Variants in ATAD2 observed in about 807,000 individuals in gnomAD.
ATAD2 encodes the protein ATPase family AAA domain-containing protein 2.
Under a neutral mutation model 168.9 loss-of-function variants are expected in ATAD2, and 62 were observed. The observed-to-expected ratio is 0.37, with a 90% confidence interval of 0.30 to 0.45. ATAD2 has a LOEUF of 0.45. Among genes scored for constraint, ATAD2 ranks in the 20% least tolerant of loss-of-function variants. The pLI is 1.00. For synonymous variants in ATAD2, 613 were observed against 571.6 expected, an observed-to-expected ratio of 1.07 and a Z score of -1.03; for missense variants, 1,419 against 1,667.8, an observed-to-expected ratio of 0.85 and a Z score of 2.60.
At chr8:123,397,935 C>T (rs1296035177), upstream of ATAD2, among the ~76,000 whole-genome samples, 3 of 151,918 alleles carry the variant, frequency 2.0e-5, no homozygotes, top group African/African-American at 4.8e-5. Context: ...GGGAGAGTGG[C>T]GAGGCCAATG....
rs772822406 is a variant in ATAD2, at chr8:123,358,723, C to CTT, written c.1382+496_1382+497dup. Among the ~76,000 whole-genome samples the CTT allele has an allele frequency of 6.2e-3, 475 of 76,770 alleles. 2 individuals carry two copies. Among genetic ancestry groups the CTT allele is most frequent in the African/African-American group, 8.2e-3 (154 of 18,734 alleles). The allele number at this position is 76,770 out of a possible 152,430, so 50.4% of individuals were successfully genotyped here. On this transcript the variant is annotated intron_variant, in intron 11 of 27. Transcript: ENST00000287394. ...CCTGTGATTGATATATGGTACATTA[C>CTT]TTTTTTTTTTTTTTTTTTTTTTTTT...
chr8:123,357,117 G>T (rs767902736), intron 12 of ATAD2, among the ~76,000 whole-genome samples: 1 of 152,132 alleles, frequency 6.6e-6, no homozygotes, highest in Non-Finnish European at 1.5e-5. Flanking sequence ...AGAACCTCGG[G>T]AGAGTTCCAA....
Position 123,371,667 on chromosome 8 carries a change from T to G in ATAD2, c.536+3A>C. ...CATCTTGATCTAAGGAATTTTTACT[T>G]ACTTAGTTATAAGTTTGTCAAACAG... On this transcript the variant is annotated splice_donor_region_variant and intron_variant, in intron 4 of 27. Transcript: ENST00000287394. 1 of 1,591,152 alleles carries G rather than the reference T, an allele frequency of 6.3e-7. No individual in the cohort carries two copies.
intron 8 of ATAD2, among the ~76,000 whole-genome samples, chr8:123,362,366 TA>T (rs1828853823): frequency 6.6e-6 from 1 of 151,070 alleles, no homozygotes; most frequent in South Asian, 2.1e-4. Context: ...ACACTATACA[TA>T]ATATTCACAT....
intron 2 of ATAD2, among the ~76,000 whole-genome samples, chr8:123,376,596 T>C (rs541404398): frequency 2.8e-4 from 43 of 152,134 alleles, no homozygotes; most frequent in African/African-American, 9.4e-4. Flanking sequence ...AACCATGGAA[T>C]TGTACACTTT....
chr8:123,336,015 A>G (rs576869216), intron 22 of ATAD2, among the ~76,000 whole-genome samples: 4 of 152,334 alleles, frequency 2.6e-5, no homozygotes, highest in Non-Finnish European at 5.9e-5. Context: ...AATATTTTAA[A>G]AACTATTTCA....
chr8:123,342,961 C>T (rs1241285410), intron 19 of ATAD2, among the ~76,000 whole-genome samples: 2 of 151,862 alleles, frequency 1.3e-5, no homozygotes, highest in Non-Finnish European at 2.9e-5. Context: ...TTTTCCACGT[C>T]TTTCCTCAAA....
chr8:123,361,573 G>C lies in ATAD2; in HGVS notation c.1123C>G (p.Arg375Gly). ...SSEDEQHFER[R>G]RKRSRNRAIN... Reference sequence around the variant, plus strand: ...GCCCTATTACGACTCCTTTTCCTCCGCCTCTCAAAGTGCTGTTCATCTTCA... The same window carrying C: ...GCCCTATTACGACTCCTTTTCCTCCCCCTCTCAAAGTGCTGTTCATCTTCA... The change falls in exon 9 of 28, where the codon CGG becomes GGG. Residue 375 changes from arginine to glycine, a missense_variant. Around this residue, in one of 5 missense-constraint regions of ATAD2, gnomAD observed 146 missense variants for 188.3 expected, o/e 0.78. Transcript: ENST00000287394. The C allele has an allele frequency of 6.2e-7, 1 of 1,613,016 alleles. No homozygotes were observed. The highest frequency in any genetic ancestry group is 1.3e-5 in the African/African-American group (1 of 74,956).
At chr8:123,378,701 C>CAAAAAAAAAAAAAAAAAAAAAA (rs71808201) in intron 2 of ATAD2, among the ~76,000 whole-genome samples, 6 of 73,044 alleles carry the variant, frequency 8.2e-5, no homozygotes, top group African/African-American at 3.5e-4. Context: ...GACTGTGTCT[C>CAAAAAAAAAAAAAAAAAAAAAA]AAAAAAAAAA....
rs147616119 is a variant in ATAD2, at chr8:123,343,238, A to C, written c.2718+1646T>G. Among the ~76,000 whole-genome samples the C allele has an allele frequency of 7.9e-3, 1,197 of 152,152 alleles. 17 individuals carry two copies. The highest frequency in any genetic ancestry group is 0.027 in the African/African-American group (1,134 of 41,514). The stretch of plus-strand genomic sequence containing the variant: ...TGATTCGCCCACCCCGGCCTCCCAA[A>C]GTGCTAGAATTACAGGCGTGAACCA... On this transcript the variant is annotated intron_variant, in intron 19 of 27. Coordinates refer to ENST00000287394, the MANE Select transcript of ATAD2 (RefSeq NM_014109.4).
chr8:123,358,733 T>TG (rs1265363113), intron 11 of ATAD2, among the ~76,000 whole-genome samples: 1 of 144,490 alleles, frequency 6.9e-6, no homozygotes, highest in African/African-American at 2.6e-5. Flanking sequence ...CTTTTTTTTT[T>TG]TTTTTTTTTT....
At chr8:123,394,931 C>G (rs1386710211) in intron 1 of ATAD2, among the ~76,000 whole-genome samples, 1 of 152,160 alleles carries the variant, frequency 6.6e-6, no homozygotes, top group Non-Finnish European at 1.5e-5. Context: ...GTTTTTAACC[C>G]ATTCCCCTCA....
chr8:123,411,169 C>T (rs1036129640), intron 1 of ATAD2, among the ~76,000 whole-genome samples: 6 of 152,150 alleles, frequency 3.9e-5, no homozygotes, highest in Admixed American at 2.0e-4. Flanking sequence ...GAAGGGACCT[C>T]CAAAGCGTTT....
At chr8:123,340,747 T>C (rs1828037698) in intron 19 of ATAD2, among the ~76,000 whole-genome samples, 1 of 152,142 alleles carries the variant, frequency 6.6e-6, no homozygotes, top group Non-Finnish European at 1.5e-5. Context: ...CTAGAATAAA[T>C]AATTCAGAGC....
At chr8:123,357,172 G>C (rs1828674510) in intron 12 of ATAD2, among the ~76,000 whole-genome samples, 1 of 152,176 alleles carries the variant, frequency 6.6e-6, no homozygotes, top group Non-Finnish European at 1.5e-5. Context: ...CAGTAGATCA[G>C]AAAGTATTAT....
intron 1 of ATAD2, among the ~76,000 whole-genome samples, chr8:123,389,271 C>T (rs903986747): frequency 9.4e-5 from 14 of 149,284 alleles, no homozygotes; most frequent in South Asian, 2.2e-4. Context: ...CCACCGTGCC[C>T]GGCCTGTGCT....
intron 13 of ATAD2, 130 bp downstream of exon 13, chr8:123,356,259 G>A: frequency 1.6e-6 from 1 of 635,286 alleles, no homozygotes. Context: ...TATATACTGG[G>A]GTTCTACTAC....
At chr8:123,379,093 C>T (rs1829412375) in intron 2 of ATAD2, among the ~76,000 whole-genome samples, 1 of 152,060 alleles carries the variant, frequency 6.6e-6, no homozygotes, top group Admixed American at 6.6e-5. Flanking sequence ...CCACAGTGCC[C>T]AGCCAAAACA....
intron 13 of ATAD2, among the ~76,000 whole-genome samples, chr8:123,353,650 A>C (rs1432865742): frequency 6.6e-6 from 1 of 151,920 alleles, no homozygotes; most frequent in Non-Finnish European, 1.5e-5. Context: ...ACAATCCGCC[A>C]TCTCTCCTGA....
Sources: gnomAD v4.1 joint callset for allele counts (sites outside exome capture counted in the v4.1 genomes callset) on GRCh38, gnomAD v4.1.1 for gene constraint, gnomAD v4.1.1 regional missense constraint, MANE v1.5 for transcripts, NCBI Gene and HGNC (gene_info 2026-07-23, HGNC 2026-07-21) for gene names.